The following ST6GAL1 variants were observed in gnomAD, a reference collection of about 807,000 sequenced individuals.
ST6GAL1 encodes the protein beta-galactoside alpha-2,6-sialyltransferase 1.
Under a neutral mutation model 38.0 loss-of-function variants are expected in ST6GAL1, and 20 were observed. The ratio of observed to expected loss-of-function variants is 0.53; its 90% CI spans 0.37 to 0.77. ST6GAL1 has a LOEUF of 0.77. Among genes scored for constraint, ST6GAL1 ranks in the 30% least tolerant of loss-of-function variants. The pLI is 0.00. For synonymous variants in ST6GAL1, 196 were observed against 188.2 expected, an observed-to-expected ratio of 1.04 and a Z score of -0.34; for missense variants, 432 against 496.4, an observed-to-expected ratio of 0.87 and a Z score of 1.23.
chr3:187,014,937 G>A (rs3821819), intron 2 of ST6GAL1, among the ~76,000 whole-genome samples: 51,713 of 151,964 alleles, frequency 0.34, 9,259 homozygotes, highest in East Asian at 0.41. Context: ...CCCTTACACC[G>A]TAAATACAAT....
chr3:186,974,024 G>A (rs1407048114), intron 2 of ST6GAL1, among the ~76,000 whole-genome samples: 1 of 152,122 alleles, frequency 6.6e-6, no homozygotes, highest in Admixed American at 6.5e-5. Context: ...TTGCTGTGGA[G>A]GAAGCTCTGT....
Position 186,953,827 on chromosome 3 carries a change from AATTTT to A in ST6GAL1, c.-324-9946_-324-9942del, listed in dbSNP as rs775940378. Among the ~76,000 whole-genome samples the A allele has an allele frequency of 6.7e-4, 95 of 141,616 alleles. No homozygotes were observed. The Middle Eastern group carries it at 0.011, about 16-fold the overall frequency. The allele number at this position is 141,616 out of a possible 152,430, so 92.9% of individuals were successfully genotyped here. ...ACAGAGAGGTTTTTTTTTTTTTTTT[AATTTT>A]ATTTTATTTTAAGTTCCAGGATACA... On this transcript the variant is annotated intron_variant, in intron 1 of 7. Coordinates refer to ENST00000169298, the MANE Select transcript of ST6GAL1 (RefSeq NM_173216.2).
intron 1 of ST6GAL1, among the ~76,000 whole-genome samples, chr3:186,938,813 G>T (rs3864106): frequency 6.6e-6 from 1 of 152,044 alleles, no homozygotes; most frequent in South Asian, 2.1e-4. Context: ...GTAACCCCAT[G>T]GTCAACCCCA....
rs386669234 is a variant in ST6GAL1, at chr3:186,987,197, AGGG to A, written c.-183+23272_-183+23274del. ...AAGAGAGACAGGGAGGGAGGGAGGG[AGGG>A]AAGGAAAGAAAAGGAAAGAAAGCAA... is the stretch of plus-strand genomic sequence containing the variant. On this transcript the variant is annotated intron_variant, in intron 2 of 7. Transcript: ENST00000169298. 3.0e-3 allele frequency among the ~76,000 whole-genome samples: 246 copies of A among 80,660 alleles called. 2 individuals are homozygous for A. The highest frequency in any genetic ancestry group is 0.013 in the African/African-American group (233 of 17,910). 52.9% of individuals were successfully genotyped at this position (80,660 alleles called of 152,430 possible). A position where few individuals can be genotyped will look rare whatever the true frequency, so the allele number is the denominator to read the frequency against.
chr3:186,963,122 A>C, intron 1 of ST6GAL1, among the ~76,000 whole-genome samples: 1 of 152,238 alleles, frequency 6.6e-6, no homozygotes. Flanking sequence ...ATTACTTTAA[A>C]AACAAATGCC....
chr3:187,039,020 C>T (rs1377570673), intron 3 of ST6GAL1, 147 bp downstream of exon 3: 2 of 152,188 alleles, frequency 1.3e-5, no homozygotes, highest in Non-Finnish European at 2.9e-5. Context: ...TTTTAGTCCT[C>T]TTTAACTGCT....
chr3:187,027,593 G>C (rs1055922500), intron 2 of ST6GAL1, among the ~76,000 whole-genome samples: 1 of 151,998 alleles, frequency 6.6e-6, no homozygotes, highest in Non-Finnish European at 1.5e-5. Context: ...GTTTTATTCC[G>C]GCCCCCCTTC....
intron 5 of ST6GAL1, among the ~76,000 whole-genome samples, chr3:187,057,135 C>T (rs944973664): frequency 2.6e-5 from 4 of 152,122 alleles, no homozygotes; most frequent in African/African-American, 9.7e-5. Context: ...GTTCTTAAGC[C>T]ATGGTTTTCA....
At chr3:186,957,824 A>G (rs1267768419) in intron 1 of ST6GAL1, among the ~76,000 whole-genome samples, 1 of 152,222 alleles carries the variant, frequency 6.6e-6, no homozygotes, top group Non-Finnish European at 1.5e-5. Flanking sequence ...ATATCCTGAC[A>G]AATTATTAAT....
chr3:187,013,591 GTT>G (rs896012469), intron 2 of ST6GAL1, among the ~76,000 whole-genome samples: 3 of 152,062 alleles, frequency 2.0e-5, no homozygotes, highest in African/African-American at 7.2e-5. Context: ...GTTTTGTTTT[GTT>G]TTTGTTTTTG....
intron 4 of ST6GAL1, among the ~76,000 whole-genome samples, chr3:187,045,129 C>T (rs1198265742): frequency 6.6e-6 from 1 of 152,192 alleles, no homozygotes; most frequent in African/African-American, 2.4e-5. Context: ...AGTCTCTTCC[C>T]AACTACTGGA....
chr3:187,035,473 C>T (rs555877365), intron 2 of ST6GAL1, among the ~76,000 whole-genome samples: 2 of 152,138 alleles, frequency 1.3e-5, no homozygotes, highest in South Asian at 4.2e-4. Flanking sequence ...AGAACAAACT[C>T]AGAGGCATTC....
chr3:186,947,845 T>TTGCGGACACACCCC, intron 1 of ST6GAL1, among the ~76,000 whole-genome samples: 1 of 152,234 alleles, frequency 6.6e-6, no homozygotes, highest in East Asian at 1.9e-4. Flanking sequence ...GGGTTTGTTA[T>TTGCGGACACACCCC]TGCGGACACA....
In ST6GAL1 at chr3:187,042,877, T is replaced by C. The variant is rs1327954239; in HGVS notation, c.174T>C (p.Ser58=). The change falls in exon 4 of 8, where the codon TCT becomes TCC. Residue 58 remains serine, a synonymous_variant. Coordinates refer to ENST00000169298, the MANE Select transcript of ST6GAL1 (RefSeq NM_173216.2). ...GTCTGGGGAAATTGGCCATGGGGTC[T>C]GATTCCCAGTCTGTATCCTCAAGCA... The part of the protein sequence containing the change: ...LKSLGKLAMG[S]DSQSVSSSST... 1 of 1,614,154 alleles carries C rather than the reference T, an allele frequency of 6.2e-7. No homozygotes were observed. The highest frequency in any genetic ancestry group is 8.5e-7 in the Non-Finnish European group (1 of 1,180,014).
chr3:187,071,439 C>T (rs1409645099), intron 5 of ST6GAL1, among the ~76,000 whole-genome samples: 2 of 152,040 alleles, frequency 1.3e-5, no homozygotes, highest in Non-Finnish European at 2.9e-5. Context: ...ATGTGTTATT[C>T]CCATTTCACC....
At chr3:187,064,669 G>C (rs969383163) in intron 5 of ST6GAL1, 5 of 454,748 alleles carry the variant, frequency 1.1e-5, no homozygotes, top group African/African-American at 1.0e-4. Flanking sequence ...GTATCTGGCT[G>C]TTCCTTTCGT....
At chr3:186,989,624 A>G (rs1716083341) in intron 2 of ST6GAL1, among the ~76,000 whole-genome samples, 1 of 152,222 alleles carries the variant, frequency 6.6e-6, no homozygotes, top group Admixed American at 6.5e-5. Flanking sequence ...TTGGCAGGCT[A>G]GTGGGAGCTG....
At chr3:186,995,708 G>A (rs950742635) in intron 2 of ST6GAL1, among the ~76,000 whole-genome samples, 7 of 151,734 alleles carry the variant, frequency 4.6e-5, no homozygotes, top group Non-Finnish European at 1.0e-4. Context: ...GCCGGGTATG[G>A]TGGCTTATGC....
At position 187,071,239 on chromosome 3, in the gene ST6GAL1, C is replaced by T. The variant is rs149775871; in HGVS notation, c.706-1610C>T. On this transcript the variant is annotated intron_variant, in intron 5 of 7. Coordinates refer to ENST00000169298, the MANE Select transcript of ST6GAL1 (RefSeq NM_173216.2). ...GCCATTTATTCCTCTCAATTTTTACCTGGGCAACATCATCTCCCGCCTGCT... is the reference window on the plus strand; with the variant it reads ...GCCATTTATTCCTCTCAATTTTTACTTGGGCAACATCATCTCCCGCCTGCT... Among the ~76,000 whole-genome samples the T allele has an allele frequency of 1.3e-4, 20 of 152,220 alleles. 1 individual carries two copies. The East Asian group carries it at 3.9e-3, about 29-fold the overall frequency.
Sources: allele counts gnomAD v4.1 joint callset (sites outside exome capture counted in the v4.1 genomes callset), GRCh38; gene constraint gnomAD v4.1.1; transcripts MANE v1.5; gene names NCBI Gene and HGNC (gene_info 2026-07-23, HGNC 2026-07-21).